GMDS: variants seen among roughly 807,000 people sequenced by gnomAD.
GMDS encodes GDP-mannose 4,6 dehydratase.
GMDS carries 20 observed loss-of-function variants against 49.9 expected under a neutral mutation model. The observed-to-expected ratio is 0.40, with a 90% CI of 0.28 to 0.58. The LOEUF is 0.58. GMDS is among the 20% of genes least tolerant of loss of function. The pLI is 0.42. For missense variants in GMDS, 362 were observed against 481.4 expected, an observed-to-expected ratio of 0.75 and a Z score of 2.32; for synonymous variants, 177 against 178.6, an observed-to-expected ratio of 0.99 and a Z score of 0.07.
intron 7 of GMDS, among the ~76,000 whole-genome samples, chr6:1,869,592 C>T (rs1347197865): frequency 6.6e-6 from 1 of 152,192 alleles, no homozygotes; most frequent in Non-Finnish European, 1.5e-5. Context: ...TTCAGATATT[C>T]AGGCAGTTTC....
At chr6:1,756,982 T>G (rs1259420085) in intron 7 of GMDS, among the ~76,000 whole-genome samples, 1 of 152,100 alleles carries the variant, frequency 6.6e-6, no homozygotes. Context: ...AGAGTCACAC[T>G]GCAAAAGGAC....
intron 4 of GMDS, among the ~76,000 whole-genome samples, chr6:2,022,094 AAC>A (rs1768310114): frequency 6.6e-6 from 1 of 152,204 alleles, no homozygotes; most frequent in African/African-American, 2.4e-5. Flanking sequence ...CTAACAAGGC[AAC>A]AGGGTATGGA....
chr6:1,815,683 C>A (rs115729396), intron 7 of GMDS, among the ~76,000 whole-genome samples: 146 of 152,308 alleles, frequency 9.6e-4, no homozygotes, highest in African/African-American at 3.4e-3. Context: ...CATAAACCCA[C>A]TCCCACTCAC....
At chr6:1,862,292 T>C (rs1287456437) in intron 7 of GMDS, among the ~76,000 whole-genome samples, 2 of 152,252 alleles carry the variant, frequency 1.3e-5, no homozygotes, top group African/African-American at 4.8e-5. Flanking sequence ...AATTATTTTG[T>C]TTAATATTTT....
intron 4 of GMDS, among the ~76,000 whole-genome samples, chr6:2,074,751 G>C (rs541028586): frequency 6.6e-6 from 1 of 152,244 alleles, no homozygotes; most frequent in South Asian, 2.1e-4. Context: ...AAATTCTCCT[G>C]ATTCAGCCTC....
chr6:1,829,392 C>T (rs535070025), intron 7 of GMDS, among the ~76,000 whole-genome samples: 2 of 152,244 alleles, frequency 1.3e-5, no homozygotes, highest in South Asian at 4.1e-4. Flanking sequence ...GCATTTTCCC[C>T]TAAGAGGTTG....
intron 8 of GMDS, among the ~76,000 whole-genome samples, chr6:1,738,164 C>CAG (rs1554113746): frequency 1.3e-5 from 2 of 149,904 alleles, no homozygotes; most frequent in Non-Finnish European, 3.0e-5. Context: ...TACACACACA[C>CAG]AGACACATAC....
chr6:1,989,422 G>T (rs898960492), intron 4 of GMDS, among the ~76,000 whole-genome samples: 2 of 152,286 alleles, frequency 1.3e-5, no homozygotes, highest in South Asian at 4.2e-4. Context: ...GCTCTGAGGG[G>T]AGAGGGTAAC....
intron 9 of GMDS, among the ~76,000 whole-genome samples, chr6:1,690,079 T>C (rs1257004850): frequency 6.6e-6 from 1 of 152,322 alleles, no homozygotes; most frequent in African/African-American, 2.4e-5. Flanking sequence ...CACTCCAGCC[T>C]GGGAGACAGA....
intron 1 of GMDS, among the ~76,000 whole-genome samples, chr6:2,224,977 G>C (rs1780752804): frequency 6.6e-6 from 1 of 152,044 alleles, no homozygotes; most frequent in Non-Finnish European, 1.5e-5. Flanking sequence ...GCAGAGAGGA[G>C]ATTTGAACGC....
chr6:2,027,601 T>C (rs1188366183), intron 4 of GMDS, among the ~76,000 whole-genome samples: 1 of 152,136 alleles, frequency 6.6e-6, no homozygotes, highest in Non-Finnish European at 1.5e-5. Context: ...CAGAACTTAC[T>C]GCTCTATGAA....
chr6:2,052,754 C>T (rs1770499355), intron 4 of GMDS, among the ~76,000 whole-genome samples: 1 of 152,158 alleles, frequency 6.6e-6, no homozygotes, highest in Non-Finnish European at 1.5e-5. Flanking sequence ...AAGAGGTTTT[C>T]TCCTCTAATA....
chr6:1,697,664 G>A (rs1011460414), intron 9 of GMDS, among the ~76,000 whole-genome samples: 3 of 152,192 alleles, frequency 2.0e-5, no homozygotes, highest in African/African-American at 4.8e-5. Flanking sequence ...CACACCTCAC[G>A]AGTCAGAAAC....
chr6:2,223,635 T>G (rs1394629120), intron 1 of GMDS, among the ~76,000 whole-genome samples: 1 of 149,946 alleles, frequency 6.7e-6, no homozygotes. Flanking sequence ...ACATGAGGAG[T>G]GAGGGGAAAG....
chr6:2,012,615 T>C (rs979598828), intron 4 of GMDS, among the ~76,000 whole-genome samples: 1 of 152,194 alleles, frequency 6.6e-6, no homozygotes, highest in African/African-American at 2.4e-5. Context: ...ACAACCACAT[T>C]AAAATTATTC....
Position 1,876,643 on chromosome 6 carries a change from T to C in GMDS, c.771+53460A>G, listed in dbSNP as rs529525384. Among the ~76,000 whole-genome samples, 7 of 152,310 alleles carry C rather than the reference T, an allele frequency of 4.6e-5. No individual in the cohort carries two copies. In the South Asian group the frequency reaches 1.5e-3, roughly 32 times the overall value. ...ATAACAATACTAACTTGTGCTATTGTGACAACTGATGAAAGGAGGTTATTC... is the reference window on the plus strand; with the variant it reads ...ATAACAATACTAACTTGTGCTATTGCGACAACTGATGAAAGGAGGTTATTC... On this transcript the variant is annotated intron_variant, in intron 7 of 10. Transcript: ENST00000380815.
chr6:2,211,154 G>A (rs979585540), intron 1 of GMDS, among the ~76,000 whole-genome samples: 4 of 152,176 alleles, frequency 2.6e-5, no homozygotes, highest in Non-Finnish European at 2.9e-5. Flanking sequence ...TTATAGCAGT[G>A]TGAGAACGGA....
At chr6:2,162,710 A>ACACACACACACAC (rs55843427) in intron 1 of GMDS, among the ~76,000 whole-genome samples, 1 of 144,774 alleles carries the variant, frequency 6.9e-6, no homozygotes, top group African/African-American at 2.6e-5. Flanking sequence ...ACACACACAC[A>ACACACACACACAC]AAACTTTCCT....
At chr6:2,174,452 G>A (rs1581749925) in intron 1 of GMDS, among the ~76,000 whole-genome samples, 1 of 152,090 alleles carries the variant, frequency 6.6e-6, no homozygotes, top group African/African-American at 2.4e-5. Flanking sequence ...TAAAGACCAT[G>A]CTAAATTTTT....
Sources: gnomAD v4.1 joint callset for allele counts (sites outside exome capture counted in the v4.1 genomes callset) on GRCh38, gnomAD v4.1.1 for gene constraint, MANE v1.5 for transcripts, NCBI Gene and HGNC (gene_info 2026-07-23, HGNC 2026-07-21) for gene names.